The following UROS variants were observed in gnomAD, a reference collection of about 807,000 sequenced individuals.
UROS encodes uroporphyrinogen III synthase.
Under a neutral mutation model 33.0 loss-of-function variants are expected in UROS, and 18 were observed. That is an observed-to-expected ratio of 0.55 (90% CI 0.38 to 0.81). UROS has a LOEUF of 0.81. Ranked by LOEUF, UROS falls within the 30% of genes least tolerant of loss-of-function variation. The probability of loss-of-function intolerance (pLI) is 0.00; values close to 1 mark genes in which losing one functional copy is unlikely to be tolerated. For missense variants in UROS, 293 were observed against 314.9 expected (o/e 0.93, Z 0.53); for synonymous variants, 114 against 121.1 (o/e 0.94, Z 0.38).
intron 5 of UROS, among the ~76,000 whole-genome samples, chr10:125,811,943 A>T (rs1307111057): frequency 6.6e-6 from 1 of 151,856 alleles, no homozygotes; most frequent in Admixed American, 6.5e-5. Context: ...CAATGGAATT[A>T]GTCAGCCAAA....
intron 9 of UROS, among the ~76,000 whole-genome samples, chr10:125,790,396 C>T (rs1778278406): frequency 1.3e-5 from 2 of 152,084 alleles, no homozygotes; most frequent in Admixed American, 6.5e-5. Context: ...TTCTTGGATA[C>T]AACACCCGAA....
chr10:125,814,289 A>G (rs1375071593), intron 4 of UROS, among the ~76,000 whole-genome samples: 3 of 152,228 alleles, frequency 2.0e-5, no homozygotes, highest in Admixed American at 1.3e-4. Flanking sequence ...AAGCCCTTGC[A>G]TAACCACTCT....
chr10:125,788,580 A>G (rs986192751), downstream of UROS: 13 of 1,358,250 alleles, frequency 9.6e-6, no homozygotes, highest in Non-Finnish European at 1.2e-5. Flanking sequence ...CCATACACTC[A>G]GTAAGCACAG....
At chr10:125,805,503 T>C (rs1852246187) in intron 6 of UROS, among the ~76,000 whole-genome samples, 1 of 152,180 alleles carries the variant, frequency 6.6e-6, no homozygotes, top group Non-Finnish European at 1.5e-5. Flanking sequence ...CAAGAGTCTC[T>C]ATAGCAGCAC....
In UROS at chr10:125,789,149, T is replaced by C. The variant is rs1365758450; in HGVS notation, c.661-144A>G. On this transcript the variant is annotated intron_variant, in intron 9 of 9. Coordinates refer to ENST00000368797, the MANE Select transcript of UROS (RefSeq NM_000375.3). ...GACGTGTTTATAAAAATGACAACAC[T>C]GCCCGATTCTAGCCCAGCTTCTGAG... The C allele has an allele frequency of 2.1e-6, 3 of 1,420,678 alleles. No individual in the cohort carries two copies. In the African/African-American group the frequency reaches 4.2e-5, roughly 20 times the overall value. 88.0% of individuals were successfully genotyped at this position (1,420,678 alleles called of 1,614,324 possible).
chr10:125,797,861 G>C (rs1470175597), intron 7 of UROS, among the ~76,000 whole-genome samples: 1 of 152,226 alleles, frequency 6.6e-6, no homozygotes, highest in Non-Finnish European at 1.5e-5. Flanking sequence ...AACAAGCTGG[G>C]AAGAGTGGAT....
intron 9 of UROS, chr10:125,794,228 G>C: frequency 1.7e-6 from 1 of 600,648 alleles, no homozygotes; most frequent in Non-Finnish European, 2.1e-6. Flanking sequence ...CTTTAAAACT[G>C]GGAGAGCGGT....
intron 5 of UROS, among the ~76,000 whole-genome samples, chr10:125,808,971 A>G (rs1852571752): frequency 6.6e-6 from 1 of 152,268 alleles, no homozygotes; most frequent in Non-Finnish European, 1.5e-5. Flanking sequence ...GCCCAAGTAA[A>G]AGCTGACAGT....
chr10:125,811,368 C>CT (rs546335751), intron 5 of UROS, among the ~76,000 whole-genome samples: 242 of 152,242 alleles, frequency 1.6e-3, no homozygotes, highest in Non-Finnish European at 2.3e-3. Context: ...AAATTCTTAA[C>CT]TTATTTTTGG....
rs367728689 is a variant in UROS, at chr10:125,788,854, G to A, written c.*14C>T. 1.0e-5 allele frequency: 16 copies of A among 1,574,700 alleles called. No individual in the cohort carries two copies. Among genetic ancestry groups the A allele is most frequent in the African/African-American group, 4.0e-5 (3 of 74,408 alleles). On this transcript the variant is annotated 3_prime_UTR_variant, in exon 10 of 10. Transcript: ENST00000368797. ...CCCAGGGAGGCTGCATGGGGCCAGCGCTAGGTGGCTGACTCAGCAGCAGCC... is the reference window on the plus strand; with the variant it reads ...CCCAGGGAGGCTGCATGGGGCCAGCACTAGGTGGCTGACTCAGCAGCAGCC...
At chr10:125,800,540 G>T (rs1184538267) in intron 6 of UROS, among the ~76,000 whole-genome samples, 1 of 150,918 alleles carries the variant, frequency 6.6e-6, no homozygotes, top group Non-Finnish European at 1.5e-5. Flanking sequence ...CCCTCTCTTT[G>T]TTGAGAGCTT....
At chr10:125,804,129 G>T (rs908601763) in intron 6 of UROS, among the ~76,000 whole-genome samples, 2 of 152,214 alleles carry the variant, frequency 1.3e-5, no homozygotes, top group East Asian at 1.9e-4. Flanking sequence ...GGTGACTGGT[G>T]GTGGCCCCTA....
intron 6 of UROS, among the ~76,000 whole-genome samples, chr10:125,803,356 T>G (rs895856119): frequency 5.9e-5 from 9 of 152,156 alleles, no homozygotes; most frequent in Admixed American, 2.0e-4. Flanking sequence ...CCCCAGAGCC[T>G]CCAGGACCCC....
At chr10:125,790,568 G>C (rs1332204384) in intron 9 of UROS, among the ~76,000 whole-genome samples, 2 of 152,178 alleles carry the variant, frequency 1.3e-5, no homozygotes, top group Admixed American at 6.5e-5. Context: ...CAGTACTTTG[G>C]GAGGCCGAGG....
chr10:125,788,455 A>G (rs1850696261), downstream of UROS: 1 of 794,492 alleles, frequency 1.3e-6, no homozygotes, highest in Non-Finnish European at 1.5e-6. Flanking sequence ...GAATGAATAA[A>G]CCTACTTTAT....
intron 4 of UROS, among the ~76,000 whole-genome samples, chr10:125,814,485 G>A (rs1037626231): frequency 6.6e-6 from 1 of 152,144 alleles, no homozygotes; most frequent in Non-Finnish European, 1.5e-5. Flanking sequence ...GGTAATGAAC[G>A]TGAAGTATTC....
intron 1 of UROS, among the ~76,000 whole-genome samples, chr10:125,818,670 G>A (rs911278740): frequency 1.3e-5 from 2 of 152,132 alleles, no homozygotes; most frequent in African/African-American, 4.8e-5. Flanking sequence ...TGGAGTAGAG[G>A]GTGTTTGCAC....
At position 125,796,087 on chromosome 10, in the gene UROS, C is replaced by G; in HGVS notation, c.561+16G>C. 6.8e-6 allele frequency: 11 copies of G among 1,613,948 alleles called. No homozygotes were observed. Among genetic ancestry groups the G allele is most frequent in the Non-Finnish European group, 9.3e-6 (11 of 1,179,978 alleles). Reference sequence around the variant, plus strand: ...GGGCACCCACCCTGCCAGAACCGCCCCCAAACGCCACGTACCTGCTGGGAA... The same window carrying G: ...GGGCACCCACCCTGCCAGAACCGCCGCCAAACGCCACGTACCTGCTGGGAA... On this transcript the variant is annotated intron_variant, in intron 8 of 9. Coordinates refer to ENST00000368797, the MANE Select transcript of UROS (RefSeq NM_000375.3).
rs1278512256 is a variant in UROS, at chr10:125,815,093, G to C, written c.185C>G (p.Thr62Ser). The change falls in exon 4 of 10, where the codon ACC (threonine) becomes AGC (serine). Residue 62 changes from threonine (T) to serine (S), a missense_variant. Coordinates refer to ENST00000368797, the MANE Select transcript of UROS (RefSeq NM_000375.3). Reference protein sequence around the residue: ...HPEDYGGLIFTSPRAVEAAEL... With the variant: ...HPEDYGGLIFSSPRAVEAAEL... Reference sequence around the variant, plus strand: ...TGCTGCTTCCACTGCTCTGGGGCTGGTAAAAATGAGTCCCCCGTAATCTTC... The same window carrying C: ...TGCTGCTTCCACTGCTCTGGGGCTGCTAAAAATGAGTCCCCCGTAATCTTC... 3 of 1,614,142 alleles carry C rather than the reference G, an allele frequency of 1.9e-6. No individual in the cohort carries two copies. The South Asian group carries it at 3.3e-5, about 18-fold the overall frequency.
Sources: gnomAD v4.1 joint callset for allele counts (sites outside exome capture counted in the v4.1 genomes callset) on GRCh38, gnomAD v4.1.1 for gene constraint, MANE v1.5 for transcripts, NCBI Gene and HGNC (gene_info 2026-07-23, HGNC 2026-07-21) for gene names.